The following EIF2AK4 variants were observed in gnomAD, a reference collection of about 807,000 sequenced individuals.
EIF2AK4 encodes the protein eukaryotic translation initiation factor 2 alpha kinase 4.
EIF2AK4 carries 139 observed loss-of-function variants against 211.1 expected under a neutral mutation model. That is an observed-to-expected ratio of 0.66 (90% confidence interval 0.57 to 0.76). The LOEUF is 0.76. Among genes scored for constraint, EIF2AK4 ranks in the 30% least tolerant of loss-of-function variants. The probability of loss-of-function intolerance (pLI) is 0.00; values close to 1 mark genes in which losing one functional copy is unlikely to be tolerated. For synonymous variants in EIF2AK4, 710 were observed against 751.3 expected (o/e 0.94, Z 0.90); for missense variants, 1,664 against 2,043.8 (o/e 0.81, Z 3.58).
intron 36 of EIF2AK4, 129 bp downstream of exon 36, chr15:40,032,366 T>C: frequency 1.4e-6 from 1 of 723,464 alleles, no homozygotes; most frequent in African/African-American, 1.8e-5. Context: ...TGATGTGAAC[T>C]ACACGCAATT....
chr15:39,967,626 G>A lies in EIF2AK4; in HGVS notation c.1300G>A (p.Asp434Asn). 6.2e-7 allele frequency: 1 copy of A among 1,614,156 alleles called. No individual in the cohort carries two copies. The highest frequency in any genetic ancestry group is 8.5e-7 in the Non-Finnish European group (1 of 1,180,030). ...CCTGAGTGCATCTAATGTCTTGGTG[G>A]ATGCAGAAGGCACCGTCAAGATTAC... ...KVLSASNVLV[D>N]AEGTVKITDY... Residue 434 changes from aspartate to asparagine, a missense_variant, in exon 9 of 39, where the codon GAT (aspartate) becomes AAT (asparagine). Around this residue, in one of 7 missense-constraint regions of EIF2AK4, gnomAD observed 641 missense variants for 729.6 expected, o/e 0.88. Transcript: ENST00000263791.
rs1198534571 is a variant in EIF2AK4 at position 39,996,952 on chromosome 15, C to G, written c.2767-12C>G. The G allele has an allele frequency of 1.9e-6, 3 of 1,567,166 alleles. No homozygotes were observed. Among genetic ancestry groups the G allele is most frequent in the Non-Finnish European group, 2.6e-6 (3 of 1,137,660 alleles). ...TCAAGGCTCTCTAAATGCAATTATT[C>G]TTCCCCCTCAGAAAGTGGATCTCTT... On this transcript the variant is annotated splice_polypyrimidine_tract_variant and intron_variant, in intron 18 of 38. Coordinates refer to ENST00000263791, the MANE Select transcript of EIF2AK4 (RefSeq NM_001013703.4).
intron 18 of EIF2AK4, among the ~76,000 whole-genome samples, chr15:39,993,095 TCCATCCATCCACCCAC>T (rs1437418764): frequency 6.0e-4 from 70 of 116,958 alleles, no homozygotes; most frequent in Admixed American, 5.5e-4. Flanking sequence ...CATCCATCCA[TCCATCCATCCACCCAC>T]CCATCCACCC....
rs2034654953 is a variant in EIF2AK4 at position 39,973,681 on chromosome 15, T to C, written c.1750T>C (p.Ser584Pro). The C allele has an allele frequency of 1.2e-6, 2 of 1,614,056 alleles. No homozygotes were observed. The highest frequency in any genetic ancestry group is 2.7e-5 in the African/African-American group (2 of 74,942). Residue 584 changes from serine (S) to proline (P), a missense_variant, in exon 11 of 39, where the codon TCC (serine) becomes CCC (proline). Physicochemically the swap from Ser to Pro is moderately conservative, Grantham distance 74. Transcript: ENST00000263791. Reference sequence around the variant, plus strand: ...CTTTAGTGAGACACAGAGACAGTTTTCCCGATACTTCATTGAGTTTGAAGA... The same window carrying C: ...CTTTAGTGAGACACAGAGACAGTTTCCCCGATACTTCATTGAGTTTGAAGA... ...AFFSETQRQF[S>P]RYFIEFEELQ... is the part of the protein sequence containing the mutation.
intron 7 of EIF2AK4, among the ~76,000 whole-genome samples, chr15:39,963,305 T>G (rs932923665): frequency 1.3e-5 from 2 of 152,202 alleles, no homozygotes; most frequent in Non-Finnish European, 2.9e-5. Context: ...CTACTTCTAA[T>G]AACCTGGGGA....
intron 13 of EIF2AK4, among the ~76,000 whole-genome samples, chr15:39,980,228 C>T (rs2034762672): frequency 6.6e-6 from 1 of 152,158 alleles, no homozygotes; most frequent in Non-Finnish European, 1.5e-5. Flanking sequence ...CGTACGCTTA[C>T]CCTTTCTCTG....
intron 38 of EIF2AK4, among the ~76,000 whole-genome samples, chr15:40,034,800 G>C (rs2140954070): frequency 6.6e-6 from 1 of 152,240 alleles, no homozygotes; most frequent in African/African-American, 2.4e-5. Context: ...ACACTTAAAA[G>C]GCAACAAGGA....
chr15:39,967,440 T>G lies in EIF2AK4; in HGVS notation c.1114T>G (p.Ser372Ala). 1 of 1,613,936 alleles carries G rather than the reference T, an allele frequency of 6.2e-7. No individual in the cohort carries two copies. The highest frequency in any genetic ancestry group is 8.5e-7 in the Non-Finnish European group (1 of 1,179,992). The change falls in exon 9 of 39, where the codon TCC (serine) becomes GCC (alanine). Residue 372 changes from serine (S) to alanine (A), a missense_variant. Ser to Ala is a moderately conservative substitution (Grantham distance 99). Transcript: ENST00000263791. ...LAMNLKEQDD[S>A]IVVDILVEHI... is the part of the protein sequence containing the mutation. ...AATGAATCTCAAAGAGCAAGACGAC[T>G]CCATCGTGGTGGACATTTTAGTGGA... is the stretch of plus-strand genomic sequence containing the variant.
chr15:39,955,912 A>G, intron 6 of EIF2AK4, 144 bp downstream of exon 6: 1 of 738,642 alleles, frequency 1.4e-6, no homozygotes. Flanking sequence ...ATATATTAGC[A>G]ATATATTAGG....
At chr15:39,981,978 G>A (rs1160737201) in intron 13 of EIF2AK4, among the ~76,000 whole-genome samples, 1 of 147,624 alleles carries the variant, frequency 6.8e-6, no homozygotes, top group Non-Finnish European at 1.5e-5. Context: ...AGGCTGGAGT[G>A]CAGTGGCACG....
chr15:40,022,476 G>C (rs772059352), intron 31 of EIF2AK4, 43 bp from the exon 32 acceptor site: 7 of 1,521,362 alleles, frequency 4.6e-6, no homozygotes, highest in Non-Finnish European at 6.4e-6. Context: ...AGCTGTTCCA[G>C]GTGCTCTGTG....
chr15:40,022,433 G>C, intron 31 of EIF2AK4, 86 bp from the exon 32 acceptor site: 2 of 1,122,318 alleles, frequency 1.8e-6, no homozygotes, highest in South Asian at 2.8e-5. Flanking sequence ...AATATAATTG[G>C]AAACAGTATT....
chr15:39,966,380 A>C (rs2034544394), intron 8 of EIF2AK4, among the ~76,000 whole-genome samples: 1 of 151,644 alleles, frequency 6.6e-6, no homozygotes, highest in African/African-American at 2.4e-5. Flanking sequence ...GAGGTGGGAT[A>C]ATTGCTTGAG....
chr15:40,032,512 G>A (rs968786335), intron 36 of EIF2AK4, among the ~76,000 whole-genome samples: 16 of 152,192 alleles, frequency 1.1e-4, no homozygotes, highest in Admixed American at 5.9e-4. Context: ...AGCTTACACC[G>A]AATACATGTA....
intron 9 of EIF2AK4, among the ~76,000 whole-genome samples, chr15:39,970,450 A>G (rs2034607694): frequency 6.6e-6 from 1 of 152,234 alleles, no homozygotes; most frequent in Admixed American, 6.5e-5. Context: ...TTTTGTGAAA[A>G]TGTGAAAAAT....
At chr15:39,992,303 T>C in intron 17 of EIF2AK4, 74 bp downstream of exon 17, 3 of 1,333,832 alleles carry the variant, frequency 2.2e-6, no homozygotes, top group Non-Finnish European at 3.1e-6. Flanking sequence ...ACCTGTTTTT[T>C]ACTTGTAAAG....
chr15:39,949,893 C>T (rs1319347359), intron 4 of EIF2AK4, among the ~76,000 whole-genome samples: 2 of 151,532 alleles, frequency 1.3e-5, no homozygotes, highest in African/African-American at 4.8e-5. Context: ...AAATAGTTAC[C>T]ATTTGTATTT....
intron 30 of EIF2AK4, among the ~76,000 whole-genome samples, chr15:40,020,193 A>G (rs1208722190): frequency 6.6e-6 from 1 of 151,692 alleles, no homozygotes. Flanking sequence ...AAAGAAAAGA[A>G]AAGAAATCCT....
At chr15:40,034,860 C>T (rs963982050) in intron 38 of EIF2AK4, among the ~76,000 whole-genome samples, 167 bp from the exon 39 acceptor site, 4 of 152,152 alleles carry the variant, frequency 2.6e-5, no homozygotes, top group Admixed American at 2.0e-4. Flanking sequence ...ATACTGCAGA[C>T]CCCTGTCAGT....
Sources: gnomAD v4.1 joint callset for allele counts (sites outside exome capture counted in the v4.1 genomes callset) on GRCh38, gnomAD v4.1.1 for gene constraint, gnomAD v4.1.1 regional missense constraint, MANE v1.5 for transcripts, NCBI Gene and HGNC (gene_info 2026-07-23, HGNC 2026-07-21) for gene names.